FETUB: variants seen among roughly 807,000 people sequenced by gnomAD.
The protein encoded by FETUB is fetuin B.
Under a neutral mutation model 30.9 loss-of-function variants are expected in FETUB, and 28 were observed. The ratio of observed to expected loss-of-function variants is 0.90; its 90% CI spans 0.67 to 1.24. FETUB has a LOEUF of 1.24. Ranked by LOEUF, FETUB falls within the 50% of genes most tolerant of loss-of-function variation. The pLI is 0.00. For missense variants in FETUB, 469 were observed against 455.3 expected (o/e 1.03, Z -0.27); for synonymous variants, 186 against 175.9 (o/e 1.06, Z -0.45).
At chr3:186,644,636 T>C (rs1717339440) in intron 3 of FETUB, 115 bp from the exon 4 acceptor site, 7 of 725,422 alleles carry the variant, frequency 9.6e-6, no homozygotes, top group Non-Finnish European at 1.3e-5. Context: ...AGCTAACTTC[T>C]ATTCCAGGGG....
chr3:186,639,655 T>TAAAAAAAAAAAAAAAAA (rs5855107), upstream of FETUB, among the ~76,000 whole-genome samples: 1 of 129,496 alleles, frequency 7.7e-6, no homozygotes. Flanking sequence ...AAATAGAAGC[T>TAAAAAAAAAAAAAAAAA]AAAAAAAAAA....
chr3:186,650,177 G>GGC (rs1717901504), intron 5 of FETUB, among the ~76,000 whole-genome samples: 1 of 95,484 alleles, frequency 1.0e-5, no homozygotes, highest in Non-Finnish European at 2.0e-5. Context: ...GGGTGGGGGG[G>GGC]GGGGGTAAAT....
Position 186,650,173 on chromosome 3 carries a change from G to T in FETUB, c.697-1045G>T, listed in dbSNP as rs1411074421. Among the ~76,000 whole-genome samples, 8 of 42,716 alleles carry T rather than the reference G, an allele frequency of 1.9e-4. 1 individual carries two copies. In the East Asian group the frequency reaches 4.5e-3, roughly 24 times the overall value. The allele number at this position is 42,716 out of a possible 152,430, so 28.0% of individuals were successfully genotyped here. Reference sequence around the variant, plus strand: ...GTAGTTTCTTTGTTGGCGGGGGTGGGGGGGGGGGGTAAATCACCAGCTGTG... The same window carrying T: ...GTAGTTTCTTTGTTGGCGGGGGTGGTGGGGGGGGGTAAATCACCAGCTGTG... On this transcript the variant is annotated intron_variant, in intron 5 of 6. Transcript: ENST00000265029.
At chr3:186,640,940 C>T in intron 1 of FETUB, 90 bp from the exon 2 acceptor site, 3 of 816,366 alleles carry the variant, frequency 3.7e-6, no homozygotes, top group Non-Finnish European at 6.1e-6. Context: ...TATTCTTTGG[C>T]TTTGCCATAA....
In FETUB at chr3:186,651,312, A is replaced by G. The variant is rs184232697; in HGVS notation, c.780+11A>G. ...TTCTTTGAATCACAGGTATTTTTCA[A>G]TCTAATTGCCTGTCTTTCTGTGAAG... On this transcript the variant is annotated intron_variant, in intron 6 of 6. Transcript: ENST00000265029. The G allele has an allele frequency of 5.8e-6, 9 of 1,547,230 alleles. No homozygotes were observed. In the East Asian group the frequency reaches 1.3e-4, roughly 23 times the overall value.
intron 4 of FETUB, 91 bp downstream of exon 4, chr3:186,645,011 C>A: frequency 9.5e-7 from 1 of 1,050,750 alleles, no homozygotes; most frequent in Non-Finnish European, 1.4e-6. Context: ...TCAAGGCACT[C>A]ATTTTGATTA....
In FETUB at chr3:186,652,671, A is replaced by G; in HGVS notation, c.*40A>G. The stretch of plus-strand genomic sequence containing the variant: ...CTTCTGTAGGGGTATGGTGCGCCGC[A>G]TGACATGGGAGGCGATGGGGACGAT... On this transcript the variant is annotated 3_prime_UTR_variant, in exon 7 of 7. Transcript: ENST00000265029. The G allele has an allele frequency of 1.3e-6, 2 of 1,548,536 alleles. 1 individual carries two copies. The highest frequency in any genetic ancestry group is 2.5e-5 in the South Asian group (2 of 80,286).
intron 5 of FETUB, among the ~76,000 whole-genome samples, chr3:186,646,593 T>C (rs1007690348): frequency 1.3e-5 from 2 of 152,238 alleles, no homozygotes; most frequent in Admixed American, 6.5e-5. Context: ...TGATGGGTAA[T>C]GGCCCTGCTT....
At chr3:186,647,457 CA>C (rs1717645029) in intron 5 of FETUB, among the ~76,000 whole-genome samples, 1 of 152,170 alleles carries the variant, frequency 6.6e-6, no homozygotes, top group South Asian at 2.1e-4. Context: ...ATCCCATCAG[CA>C]ATGTATGAGG....
At position 186,640,433 on chromosome 3, in the gene FETUB, A is replaced by C; in HGVS notation, c.-28A>C. 1 of 1,576,314 alleles carries C rather than the reference A, an allele frequency of 6.3e-7. No homozygotes were observed. The highest frequency in any genetic ancestry group is 8.7e-7 in the Non-Finnish European group (1 of 1,146,026). ...CCAGTCCCTGCAGCTCCACAAACTG[A>C]CCCATCCTGGGCCTTGTTCTCCACA... On this transcript the variant is annotated 5_prime_UTR_variant, in exon 1 of 7. Coordinates refer to ENST00000265029, the MANE Select transcript of FETUB (RefSeq NM_014375.3).
chr3:186,650,850 G>A (rs1717968978), intron 5 of FETUB, among the ~76,000 whole-genome samples: 1 of 152,150 alleles, frequency 6.6e-6, no homozygotes, highest in Non-Finnish European at 1.5e-5. Context: ...AATGTCAGGT[G>A]GAACGCACTT....
intron 5 of FETUB, among the ~76,000 whole-genome samples, chr3:186,647,839 T>C (rs1243301590): frequency 6.6e-6 from 1 of 152,152 alleles, no homozygotes; most frequent in Non-Finnish European, 1.5e-5. Context: ...TTTTAAATTT[T>C]GATGAAGTTC....
intron 6 of FETUB, chr3:186,651,610 G>A: frequency 5.8e-6 from 2 of 343,340 alleles, no homozygotes; most frequent in South Asian, 7.9e-5. Flanking sequence ...GCCACAGGGA[G>A]AAGTTATTTC....
chr3:186,647,507 A>C (rs1302655096), intron 5 of FETUB, among the ~76,000 whole-genome samples: 2 of 152,128 alleles, frequency 1.3e-5, no homozygotes, highest in African/African-American at 4.8e-5. Context: ...ACCTATTATG[A>C]TCTTTCTTTT....
intron 4 of FETUB, among the ~76,000 whole-genome samples, chr3:186,645,958 C>A (rs1386296889): frequency 6.7e-6 from 1 of 150,232 alleles, no homozygotes; most frequent in Non-Finnish European, 1.5e-5. Flanking sequence ...ATCTCCTGAC[C>A]TCGTGATCCG....
rs376148158 is a variant in FETUB at position 186,640,580 on chromosome 3, T to G, written c.120T>G (p.Asp40Glu). The G allele has an allele frequency of 3.1e-6, 5 of 1,613,214 alleles. No homozygotes were observed. Among genetic ancestry groups the G allele is most frequent in the Non-Finnish European group, 3.4e-6 (4 of 1,179,070 alleles). ...TCTCCCGGGGCTGCAATGACTCAGA[T>G]GTGCTGGCAGTTGCAGGCTTTGCCC... is the stretch of plus-strand genomic sequence containing the variant. ...ALLSRGCNDS[D>E]VLAVAGFALR... is the part of the protein sequence containing the mutation. The change falls in exon 1 of 7, where the codon GAT becomes GAG. Residue 40 changes from aspartate to glutamate, a missense_variant. Asp to Glu is a conservative substitution (Grantham distance 45, BLOSUM62 2). Transcript: ENST00000265029.
chr3:186,640,366 A>G, upstream of FETUB: 1 of 956,156 alleles, frequency 1.0e-6, no homozygotes, highest in East Asian at 2.4e-5. Flanking sequence ...TCCAGTTGTA[A>G]CAAAACCGCT....
In FETUB at chr3:186,652,366, C is replaced by A. The variant is rs1220613881; in HGVS notation, c.884C>A (p.Pro295His). The A allele has an allele frequency of 1.2e-6, 2 of 1,612,056 alleles. No homozygotes were observed. The highest frequency in any genetic ancestry group is 1.7e-6 in the Non-Finnish European group (2 of 1,178,586). ...AAAAACACCCCCCCAACAGACTCCCCCTCCAAAGCTGGGCCAAGAGGATCT... is the reference window on the plus strand; with the variant it reads ...AAAAACACCCCCCCAACAGACTCCCACTCCAAAGCTGGGCCAAGAGGATCT... Reference protein sequence around the residue: ...QQKNTPPTDSPSKAGPRGSVQ... With the variant: ...QQKNTPPTDSHSKAGPRGSVQ... Residue 295 changes from proline to histidine, a missense_variant, in exon 7 of 7, where the codon CCC becomes CAC. By Grantham distance (77) the Pro-to-His change is moderately conservative. Coordinates refer to ENST00000265029, the MANE Select transcript of FETUB (RefSeq NM_014375.3).
At position 186,653,023 on chromosome 3, in the gene FETUB, C is replaced by T. The variant is rs528720796; in HGVS notation, c.*392C>T. On this transcript the variant is annotated 3_prime_UTR_variant, in exon 7 of 7. Transcript: ENST00000265029. ...TTTCCCTAACACCGGGAGGCGTGAGCAACTAATGCCCAGCACAGTTTCAGT... is the reference window on the plus strand; with the variant it reads ...TTTCCCTAACACCGGGAGGCGTGAGTAACTAATGCCCAGCACAGTTTCAGT... The T allele has an allele frequency of 6.1e-6, 1 of 162,892 alleles. No homozygotes were observed. The highest frequency in any genetic ancestry group is 1.3e-5 in the Non-Finnish European group (1 of 74,180). 10.1% of individuals were successfully genotyped at this position (162,892 alleles called of 1,614,324 possible). A position where few individuals can be genotyped will look rare whatever the true frequency, so the allele number is the denominator to read the frequency against.
Sources: allele counts gnomAD v4.1 joint callset (sites outside exome capture counted in the v4.1 genomes callset), GRCh38; gene constraint gnomAD v4.1.1; transcripts MANE v1.5; gene names NCBI Gene and HGNC (gene_info 2026-07-23, HGNC 2026-07-21).